PLXDC2: variants seen among roughly 807,000 people sequenced by gnomAD.
PLXDC2 encodes plexin domain-containing protein 2.
Under a neutral mutation model 68.9 loss-of-function variants are expected in PLXDC2, and 40 were observed. The ratio of observed to expected loss-of-function variants is 0.58; its 90% CI spans 0.45 to 0.76. PLXDC2 has a LOEUF of 0.76. PLXDC2 is among the 30% of genes least tolerant of loss of function. The probability of loss-of-function intolerance (pLI) is 0.00; values close to 1 mark genes in which losing one functional copy is unlikely to be tolerated. For missense variants in PLXDC2, 644 were observed against 661.9 expected (o/e 0.97, Z 0.30); for synonymous variants, 243 against 234.2 (o/e 1.04, Z -0.34).
intron 12 of PLXDC2, among the ~76,000 whole-genome samples, chr10:20,235,599 C>T (rs1271507614): frequency 6.6e-6 from 1 of 152,164 alleles, no homozygotes; most frequent in Non-Finnish European, 1.5e-5. Context: ...GATGCCGCTC[C>T]TTTAGGTCCA....
At chr10:19,971,084 G>T (rs1480082865) in intron 1 of PLXDC2, among the ~76,000 whole-genome samples, 1 of 152,094 alleles carries the variant, frequency 6.6e-6, no homozygotes, top group Non-Finnish European at 1.5e-5. Flanking sequence ...TTTGATTTTA[G>T]ATATGATTTA....
intron 4 of PLXDC2, among the ~76,000 whole-genome samples, chr10:20,118,105 TACAC>T (rs60160833): frequency 0.016 from 2,358 of 146,786 alleles, 25 homozygotes; most frequent in African/African-American, 0.024. Flanking sequence ...CATATATGCC[TACAC>T]ACACACACAC....
chr10:19,847,044 C>A (rs891651873), intron 1 of PLXDC2, among the ~76,000 whole-genome samples: 1 of 152,038 alleles, frequency 6.6e-6, no homozygotes, highest in African/African-American at 2.4e-5. Flanking sequence ...AACTCGCCCC[C>A]ATGCTTCAGT....
intron 2 of PLXDC2, among the ~76,000 whole-genome samples, chr10:20,014,309 C>T (rs1246066920): frequency 2.3e-5 from 3 of 130,444 alleles, no homozygotes; most frequent in South Asian, 5.2e-4. Flanking sequence ...CCTTCCCTCG[C>T]CCCACTTTCC....
chr10:19,827,222 G>T (rs1836588734), intron 1 of PLXDC2, among the ~76,000 whole-genome samples: 1 of 152,100 alleles, frequency 6.6e-6, no homozygotes, highest in Non-Finnish European at 1.5e-5. Context: ...AAAGGGGGTG[G>T]GGGAACCCAT....
At chr10:19,849,793 T>A (rs1217753347) in intron 1 of PLXDC2, among the ~76,000 whole-genome samples, 1 of 152,040 alleles carries the variant, frequency 6.6e-6, no homozygotes, top group Non-Finnish European at 1.5e-5. Flanking sequence ...GTTATCCTAT[T>A]TGAATGGATG....
intron 4 of PLXDC2, among the ~76,000 whole-genome samples, chr10:20,069,981 G>A (rs2131708172): frequency 6.6e-6 from 1 of 152,310 alleles, no homozygotes; most frequent in African/African-American, 2.4e-5. Context: ...TCTTGAGGAT[G>A]TCAGAATTTC....
At chr10:20,207,966 C>G (rs1835015539) in intron 9 of PLXDC2, among the ~76,000 whole-genome samples, 3 of 151,830 alleles carry the variant, frequency 2.0e-5, no homozygotes, top group Non-Finnish European at 4.4e-5. Context: ...GGCAAGGGTT[C>G]TTAGAAAGAG....
At chr10:20,020,698 T>TA (rs1200569684) in intron 2 of PLXDC2, among the ~76,000 whole-genome samples, 3 of 152,224 alleles carry the variant, frequency 2.0e-5, no homozygotes, top group Admixed American at 2.0e-4. Flanking sequence ...AAATCCTTTA[T>TA]ATCTGTAACA....
At chr10:19,869,404 A>T in intron 1 of PLXDC2, among the ~76,000 whole-genome samples, 1 of 146,460 alleles carries the variant, frequency 6.8e-6, no homozygotes, top group Admixed American at 6.9e-5. Flanking sequence ...AGCCTGGGCA[A>T]CAGAGCAAGA....
chr10:20,094,051 T>A (rs1367689348), intron 4 of PLXDC2, among the ~76,000 whole-genome samples: 1 of 152,188 alleles, frequency 6.6e-6, no homozygotes, highest in Non-Finnish European at 1.5e-5. Context: ...TTGGAAACAG[T>A]ACAAATGGCT....
intron 4 of PLXDC2, among the ~76,000 whole-genome samples, chr10:20,124,861 G>T (rs72791901): frequency 0.23 from 34,489 of 151,874 alleles, 4,807 homozygotes; most frequent in East Asian, 0.49. Flanking sequence ...GTTAAGGCAG[G>T]AACTGGCCAT....
At chr10:20,208,447 C>T (rs1835022598) in intron 9 of PLXDC2, among the ~76,000 whole-genome samples, 1 of 152,076 alleles carries the variant, frequency 6.6e-6, no homozygotes, top group African/African-American at 2.4e-5. Context: ...TTATCTCCCA[C>T]TGGGTCCCTC....
chr10:20,209,567 G>C (rs1421650798), intron 9 of PLXDC2, among the ~76,000 whole-genome samples: 1 of 151,568 alleles, frequency 6.6e-6, no homozygotes, highest in Non-Finnish European at 1.5e-5. Flanking sequence ...TTTTGCTTTT[G>C]AAAGATATTT....
chr10:20,270,425 T>C (rs1482598863), intron 13 of PLXDC2, among the ~76,000 whole-genome samples: 3 of 152,200 alleles, frequency 2.0e-5, no homozygotes, highest in Non-Finnish European at 4.4e-5. Flanking sequence ...ACGTTTCCTA[T>C]ATCAAATTAG....
At chr10:19,972,162 G>T (rs1311807702) in intron 1 of PLXDC2, among the ~76,000 whole-genome samples, 1 of 152,144 alleles carries the variant, frequency 6.6e-6, no homozygotes, top group South Asian at 2.1e-4. Context: ...ATACATTTTT[G>T]AGCAGGACTT....
At chr10:19,953,019 C>A (rs1419963262) in intron 1 of PLXDC2, among the ~76,000 whole-genome samples, 1 of 152,136 alleles carries the variant, frequency 6.6e-6, no homozygotes, top group Non-Finnish European at 1.5e-5. Flanking sequence ...CATGTGCCAC[C>A]ACGCCCAGCT....
chr10:20,171,707 G>T (rs1037498587), intron 7 of PLXDC2, among the ~76,000 whole-genome samples: 3 of 152,064 alleles, frequency 2.0e-5, no homozygotes, highest in Non-Finnish European at 4.4e-5. Context: ...AACAGGGAAG[G>T]CTTTCTTCAT....
At chr10:19,956,516 AAAAACATC>A in intron 1 of PLXDC2, among the ~76,000 whole-genome samples, 1 of 152,252 alleles carries the variant, frequency 6.6e-6, no homozygotes, top group African/African-American at 2.4e-5. Context: ...ATTCCTCAGC[AAAAACATC>A]AGCTCTCAAA....
Sources: gnomAD v4.1 joint callset for allele counts (sites outside exome capture counted in the v4.1 genomes callset) on GRCh38, gnomAD v4.1.1 for gene constraint, MANE v1.5 for transcripts, NCBI Gene and HGNC (gene_info 2026-07-23, HGNC 2026-07-21) for gene names.